BAG4: variants seen among roughly 807,000 people sequenced by gnomAD.
The protein encoded by BAG4 is BAG cochaperone 4, also known as BAG family molecular chaperone regulator 4.
In BAG4, 28 loss-of-function variants were observed where a neutral mutation model predicts 52.1. The observed-to-expected ratio is 0.54, with a 90% CI of 0.40 to 0.74. The LOEUF (loss-of-function observed/expected upper bound fraction) is 0.74. BAG4 is among the 30% of genes least tolerant of loss of function. The pLI, the probability that BAG4 is intolerant of heterozygous loss-of-function variation, is 0.00. For missense variants in BAG4, 525 were observed against 572.0 expected, an observed-to-expected ratio of 0.92 and a Z score of 0.84; for synonymous variants, 208 against 217.0, an observed-to-expected ratio of 0.96 and a Z score of 0.37.
intron 1 of BAG4, among the ~76,000 whole-genome samples, chr8:38,191,358 T>C (rs1803470537): frequency 6.6e-6 from 1 of 152,228 alleles, no homozygotes; most frequent in South Asian, 2.1e-4. Context: ...GTAGTGCAGT[T>C]AAGCTAATAG....
intron 2 of BAG4, among the ~76,000 whole-genome samples, chr8:38,197,838 T>C (rs865973584): frequency 1.3e-5 from 2 of 152,092 alleles, no homozygotes; most frequent in South Asian, 4.1e-4. Context: ...TAGCTGGGAC[T>C]ACAGGCGTGT....
At chr8:38,178,020 A>G (rs1803194964) in intron 1 of BAG4, among the ~76,000 whole-genome samples, 1 of 152,160 alleles carries the variant, frequency 6.6e-6, no homozygotes, top group Non-Finnish European at 1.5e-5. Flanking sequence ...AAGCATTAGA[A>G]TTAGTCTATG....
In BAG4 at chr8:38,176,958, T is replaced by C; in HGVS notation, c.89T>C (p.Val30Ala). ...GGGCCTGGGGGTGGAGATGTGCCGG[T>C]ACACCCACCTCCACCCTTATATCCT... ...YYGPGGGDVP[V>A]HPPPPLYPLR... Residue 30 changes from valine (V) to alanine (A), a missense_variant, in exon 1 of 5, where the codon GTA becomes GCA. Val to Ala is a moderately conservative substitution (Grantham distance 64). Coordinates refer to ENST00000287322, the MANE Select transcript of BAG4 (RefSeq NM_004874.4). The C allele has an allele frequency of 6.4e-7, 1 of 1,565,446 alleles. No homozygotes were observed. Among genetic ancestry groups the C allele is most frequent in the Non-Finnish European group, 8.7e-7 (1 of 1,155,364 alleles).
intron 1 of BAG4, among the ~76,000 whole-genome samples, chr8:38,177,880 G>T (rs1209984617): frequency 1.3e-5 from 2 of 152,042 alleles, no homozygotes; most frequent in Admixed American, 1.3e-4. Flanking sequence ...GTCGTTCTGC[G>T]GTGGCAGCAT....
intron 1 of BAG4, among the ~76,000 whole-genome samples, chr8:38,183,167 C>T (rs755708043): frequency 6.6e-6 from 1 of 151,650 alleles, no homozygotes; most frequent in Non-Finnish European, 1.5e-5. Flanking sequence ...ACTTCAGCCT[C>T]CTGAGTAGCT....
intron 2 of BAG4, among the ~76,000 whole-genome samples, chr8:38,198,428 T>G (rs1381206505): frequency 6.6e-6 from 1 of 150,550 alleles, no homozygotes; most frequent in Non-Finnish European, 1.5e-5. Context: ...TTTTAATTTC[T>G]TTATATCCTT....
intron 2 of BAG4, among the ~76,000 whole-genome samples, chr8:38,198,689 G>T (rs762682685): frequency 6.6e-6 from 1 of 151,676 alleles, no homozygotes; most frequent in South Asian, 2.1e-4. Context: ...GGGTTTCACC[G>T]TGTTAGCCAG....
At chr8:38,191,629 A>G (rs994716169) in intron 1 of BAG4, among the ~76,000 whole-genome samples, 3 of 152,066 alleles carry the variant, frequency 2.0e-5, no homozygotes, top group African/African-American at 7.2e-5. Context: ...GCGTGGTGGC[A>G]GGTGCCTGTA....
Position 38,177,428 on chromosome 8 carries a change from G to A in BAG4, c.270+289G>A, listed in dbSNP as rs185358350. Reference sequence around the variant, plus strand: ...GGCTGCAGATCTCTCTCCTGGGAGCGGTGCTGGGTAGGGGTGGCACGGATC... The same window carrying A: ...GGCTGCAGATCTCTCTCCTGGGAGCAGTGCTGGGTAGGGGTGGCACGGATC... On this transcript the variant is annotated intron_variant, in intron 1 of 4. Coordinates refer to ENST00000287322, the MANE Select transcript of BAG4 (RefSeq NM_004874.4). 7.3e-3 allele frequency among the ~76,000 whole-genome samples: 1,108 copies of A among 152,300 alleles called. 3 individuals are homozygous for A. The highest frequency in any genetic ancestry group is 0.012 in the Admixed American group (189 of 15,302).
In BAG4 at chr8:38,213,228, C is replaced by T. The variant is rs1477639688; in HGVS notation, c.*2735C>T. ...ACATCTGGACTTTTTAAAGTGTCTA[C>T]ATTTATATTACTTTGGGGATCATTT... On this transcript the variant is annotated 3_prime_UTR_variant, in exon 5 of 5. Transcript: ENST00000287322. 2 of 151,824 alleles carry T rather than the reference C, an allele frequency of 1.3e-5. No individual in the cohort carries two copies. The highest frequency in any genetic ancestry group is 3.9e-4 in the East Asian group (2 of 5,190). The allele number at this position is 151,824 out of a possible 1,614,324, so 9.4% of individuals were successfully genotyped here. A position where few individuals can be genotyped will look rare whatever the true frequency, so the allele number is the denominator to read the frequency against.
rs566718073 is a variant in BAG4 at position 38,184,761 on chromosome 8, G to T, written c.270+7622G>T. ...AGCTGGGGAGGGAGAAAGGTTTGTA[G>T]ACTTCCAGCCTTACATCACAGAGCC... On this transcript the variant is annotated intron_variant, in intron 1 of 4. Coordinates refer to ENST00000287322, the MANE Select transcript of BAG4 (RefSeq NM_004874.4). Among the ~76,000 whole-genome samples, 5 of 152,224 alleles carry T rather than the reference G, an allele frequency of 3.3e-5. No individual in the cohort carries two copies. In the South Asian group the frequency reaches 1.0e-3, roughly 32 times the overall value.
At chr8:38,202,084 A>G (rs1803689192) in intron 2 of BAG4, 1 of 151,156 alleles carries the variant, frequency 6.6e-6, no homozygotes. Flanking sequence ...TGAGAGGAGC[A>G]TGGAGGGCGA....
rs144627158 is a variant in BAG4, at chr8:38,194,502, C to T, written c.378+1707C>T. ...CGCGATCTCAGCTCATTGCAACCTCCGCCTCTCAGGTTCAAATGATTCTCC... is the reference window on the plus strand; with the variant it reads ...CGCGATCTCAGCTCATTGCAACCTCTGCCTCTCAGGTTCAAATGATTCTCC... On this transcript the variant is annotated intron_variant, in intron 2 of 4. Transcript: ENST00000287322. Among the ~76,000 whole-genome samples the T allele has an allele frequency of 1.4e-3, 203 of 150,124 alleles. 1 individual carries two copies. The highest frequency in any genetic ancestry group is 4.5e-3 in the African/African-American group (182 of 40,750).
At chr8:38,198,802 A>G (rs989508112) in intron 2 of BAG4, among the ~76,000 whole-genome samples, 4 of 151,984 alleles carry the variant, frequency 2.6e-5, no homozygotes, top group Admixed American at 2.0e-4. Context: ...TGTATTTTTA[A>G]AACTGTTTGT....
In BAG4 at chr8:38,194,837, GTTTTTTTTTGTTTTTT is replaced by G. The variant is rs1299634927; in HGVS notation, c.378+2064_378+2079del. 1.1e-3 allele frequency among the ~76,000 whole-genome samples: 135 copies of G among 120,308 alleles called. 1 individual carries two copies. Among genetic ancestry groups the G allele is most frequent in the Admixed American group, 2.8e-3 (33 of 11,942 alleles). 78.9% of individuals were successfully genotyped at this position (120,308 alleles called of 152,430 possible). ...TTTTATCTAGCCATATTACTGGGGTGTTTTTTTTTGTTTTTTTTTTTTTTTGTTTTTTTTTTTGGCC... is the reference window on the plus strand; with the variant it reads ...TTTTATCTAGCCATATTACTGGGGTGTTTTTTTTTGTTTTTTTTTTTGGCC... On this transcript the variant is annotated intron_variant, in intron 2 of 4. Transcript: ENST00000287322.
At chr8:38,207,858 A>C (rs1803799239) in intron 3 of BAG4, 92 bp downstream of exon 3, 1 of 1,433,850 alleles carries the variant, frequency 7.0e-7, no homozygotes, top group African/African-American at 1.4e-5. Context: ...GTGCTGATTT[A>C]ATAAGACACT....
chr8:38,179,780 A>C (rs899728033), intron 1 of BAG4, among the ~76,000 whole-genome samples: 3 of 151,986 alleles, frequency 2.0e-5, no homozygotes, highest in African/African-American at 7.3e-5. Context: ...AAAAAAAATA[A>C]AGAAAGAAAG....
Position 38,211,311 on chromosome 8 carries a change from T to G in BAG4, c.*818T>G, listed in dbSNP as rs1249300566. 2.0e-5 allele frequency: 3 copies of G among 151,138 alleles called. No individual in the cohort carries two copies. Among genetic ancestry groups the G allele is most frequent in the Non-Finnish European group, 4.4e-5 (3 of 67,766 alleles). The allele number at this position is 151,138 out of a possible 1,614,324, so 9.4% of individuals were successfully genotyped here. A position where few individuals can be genotyped will look rare whatever the true frequency, so the allele number is the denominator to read the frequency against. On this transcript the variant is annotated 3_prime_UTR_variant, in exon 5 of 5. Coordinates refer to ENST00000287322, the MANE Select transcript of BAG4 (RefSeq NM_004874.4). ...TGAAAATGTTTACGGACACTTTTCT[T>G]TTTTGCTTTTTTATTGTATTTGGAT...
rs981451730 is a variant in BAG4 at position 38,192,892 on chromosome 8, T to G, written c.378+97T>G. On this transcript the variant is annotated intron_variant, in intron 2 of 4. Transcript: ENST00000287322. ...TTTTAGAGCAGTGATGAGTGTGTGT[T>G]TTTTTTCTTTGCTTTAATGGGCTCC... 9.1e-6 allele frequency: 8 copies of G among 874,714 alleles called. No homozygotes were observed. The East Asian group carries it at 1.6e-4, about 18-fold the overall frequency. The allele number at this position is 874,714 out of a possible 1,614,324, so 54.2% of individuals were successfully genotyped here.
Sources: allele counts gnomAD v4.1 joint callset (sites outside exome capture counted in the v4.1 genomes callset), GRCh38; gene constraint gnomAD v4.1.1; transcripts MANE v1.5; gene names NCBI Gene and HGNC (gene_info 2026-07-23, HGNC 2026-07-21).